Variants in GRM8 observed in about 807,000 individuals in gnomAD.
GRM8 encodes the protein metabotropic glutamate receptor 8.
Under a neutral mutation model 87.2 loss-of-function variants are expected in GRM8, and 47 were observed. The ratio of observed to expected loss-of-function variants is 0.54; its 90% CI spans 0.43 to 0.69. The LOEUF is 0.69. Ranked by LOEUF, GRM8 falls within the 30% of genes least tolerant of loss-of-function variation. GRM8 has a pLI of 0.00. For missense variants in GRM8, 1,019 were observed against 1,139.2 expected (o/e 0.89, Z 1.52); for synonymous variants, 396 against 404.5 (o/e 0.98, Z 0.25).
intron 6 of GRM8, among the ~76,000 whole-genome samples, chr7:126,814,641 A>G (rs1586046566): frequency 6.6e-6 from 1 of 151,924 alleles, no homozygotes; most frequent in East Asian, 1.9e-4. Context: ...CTTACCTGTT[A>G]CCACTCTCCT....
chr7:126,919,342 G>A (rs1804254553), intron 3 of GRM8, among the ~76,000 whole-genome samples: 1 of 152,168 alleles, frequency 6.6e-6, no homozygotes, highest in Non-Finnish European at 1.5e-5. Flanking sequence ...TGCCTCCCAT[G>A]AGTACTGTGA....
chr7:126,553,452 G>C (rs1792802844), intron 8 of GRM8, among the ~76,000 whole-genome samples: 1 of 152,070 alleles, frequency 6.6e-6, no homozygotes, highest in African/African-American at 2.4e-5. Flanking sequence ...ATATTAAAAT[G>C]CCAGCTTTGT....
At chr7:126,748,665 C>CAA (rs1816014364) in intron 7 of GRM8, among the ~76,000 whole-genome samples, 1 of 135,366 alleles carries the variant, frequency 7.4e-6, no homozygotes, top group Admixed American at 8.1e-5. Context: ...TACATAGATG[C>CAA]AAAAGGCATA....
intron 8 of GRM8, among the ~76,000 whole-genome samples, chr7:126,568,972 T>C (rs1794470118): frequency 6.6e-6 from 1 of 152,150 alleles, no homozygotes. Context: ...TCAGGATACA[T>C]AATCCTGAAT....
At chr7:126,851,542 A>G (rs1310858038) in intron 6 of GRM8, among the ~76,000 whole-genome samples, 2 of 151,962 alleles carry the variant, frequency 1.3e-5, no homozygotes, top group Admixed American at 6.6e-5. Flanking sequence ...CCCCATCCTA[A>G]CCCACACTGT....
intron 8 of GRM8, among the ~76,000 whole-genome samples, chr7:126,607,638 C>T (rs987230056): frequency 4.6e-5 from 7 of 151,966 alleles, no homozygotes; most frequent in Admixed American, 4.6e-4. Flanking sequence ...AGAATATTTT[C>T]CTAGTTTATT....
chr7:126,885,574 C>T (rs1376531062), intron 6 of GRM8, among the ~76,000 whole-genome samples: 1 of 152,098 alleles, frequency 6.6e-6, no homozygotes, highest in Non-Finnish European at 1.5e-5. Flanking sequence ...GAAGAAAAGT[C>T]GTGGCTTTTC....
At chr7:126,454,697 TA>T (rs150525541) in intron 9 of GRM8, among the ~76,000 whole-genome samples, 2,404 of 151,672 alleles carry the variant, frequency 0.016, 26 homozygotes, top group Middle Eastern at 0.027. Flanking sequence ...TGGTGGTCCC[TA>T]ATCCCATATG....
intron 8 of GRM8, among the ~76,000 whole-genome samples, chr7:126,604,150 AATAC>A (rs560532963): frequency 1.2e-4 from 19 of 152,222 alleles, no homozygotes; most frequent in Non-Finnish European, 2.1e-4. Context: ...TCTATAGGAA[AATAC>A]ATACATTCAA....
intron 9 of GRM8, among the ~76,000 whole-genome samples, chr7:126,506,259 C>G (rs987816283): frequency 2.0e-5 from 3 of 151,444 alleles, no homozygotes; most frequent in African/African-American, 4.9e-5. Context: ...ATACGTGTAT[C>G]TACACACACA....
At chr7:126,459,461 A>T (rs1315497607) in intron 9 of GRM8, among the ~76,000 whole-genome samples, 2 of 151,478 alleles carry the variant, frequency 1.3e-5, no homozygotes, top group Non-Finnish European at 3.0e-5. Context: ...TCTGACACTT[A>T]CATCAGCATT....
chr7:127,203,686 C>T (rs190933833), intron 2 of GRM8, among the ~76,000 whole-genome samples: 78 of 149,438 alleles, frequency 5.2e-4, no homozygotes, highest in Middle Eastern at 3.4e-3. Context: ...CCAGTCTGGG[C>T]GACACAGCAA....
At chr7:127,185,467 T>C (rs983709113) in intron 2 of GRM8, among the ~76,000 whole-genome samples, 7 of 151,854 alleles carry the variant, frequency 4.6e-5, no homozygotes, top group African/African-American at 1.7e-4. Context: ...AAAAATTAAC[T>C]CCAAACAGAC....
intron 7 of GRM8, among the ~76,000 whole-genome samples, chr7:126,745,309 A>C (rs933935101): frequency 1.2e-4 from 18 of 151,468 alleles, no homozygotes; most frequent in African/African-American, 4.4e-4. Context: ...GCTATACGCC[A>C]GATATAGTGG....
Position 126,789,390 on chromosome 7 carries a change from A to G in GRM8, c.1157-19325T>C, listed in dbSNP as rs112547341. 6.8e-3 allele frequency among the ~76,000 whole-genome samples: 1,039 copies of G among 152,274 alleles called. 12 individuals carry two copies. Among genetic ancestry groups the G allele is most frequent in the African/African-American group, 0.023 (959 of 41,554 alleles). ...AAGAAACAGTAAGAAACTCCTCCTC[A>G]GCTTCCATGTTATAAATTTATGGTA... On this transcript the variant is annotated intron_variant, in intron 6 of 10. Transcript: ENST00000339582.
At chr7:127,138,352 A>G (rs893103180) in intron 2 of GRM8, among the ~76,000 whole-genome samples, 2 of 152,138 alleles carry the variant, frequency 1.3e-5, no homozygotes, top group African/African-American at 2.4e-5. Flanking sequence ...CAAATCAGTT[A>G]GAATCTGCAG....
chr7:126,484,765 A>G (rs553486046), intron 9 of GRM8, among the ~76,000 whole-genome samples: 1 of 152,176 alleles, frequency 6.6e-6, no homozygotes, highest in Non-Finnish European at 1.5e-5. Flanking sequence ...TGACCTTAAA[A>G]TGTGAGAGCT....
At chr7:126,983,560 C>A (rs1257944900) in intron 3 of GRM8, among the ~76,000 whole-genome samples, 3 of 152,130 alleles carry the variant, frequency 2.0e-5, no homozygotes, top group African/African-American at 7.2e-5. Context: ...GTTCCTCCTA[C>A]CTTTAAGTCA....
At chr7:127,219,906 T>G (rs191301632) in intron 2 of GRM8, among the ~76,000 whole-genome samples, 19 of 152,216 alleles carry the variant, frequency 1.2e-4, no homozygotes, top group Non-Finnish European at 2.4e-4. Flanking sequence ...TCTTAAAAGA[T>G]CTACCCACTC....
Sources: allele counts gnomAD v4.1 joint callset (sites outside exome capture counted in the v4.1 genomes callset), GRCh38; gene constraint gnomAD v4.1.1; transcripts MANE v1.5; gene names NCBI Gene and HGNC (gene_info 2026-07-23, HGNC 2026-07-21).